GPHN: variants seen among roughly 807,000 people sequenced by gnomAD.
GPHN encodes the protein gephyrin.
GPHN carries 17 observed loss-of-function variants against 95.5 expected under a neutral mutation model. The ratio of observed to expected loss-of-function variants is 0.18; its 90% CI spans 0.12 to 0.27. The LOEUF (loss-of-function observed/expected upper bound fraction) is 0.27, where lower values mean the gene tolerates loss of function less well. Ranked by LOEUF, GPHN falls within the 10% of genes least tolerant of loss-of-function variation. GPHN has a pLI of 1.00. For synonymous variants in GPHN, 320 were observed against 322.5 expected, an observed-to-expected ratio of 0.99 and a Z score of 0.08; for missense variants, 660 against 978.1, an observed-to-expected ratio of 0.67 and a Z score of 4.34.
At chr14:66,831,822 T>G (rs1176072339) in intron 4 of GPHN, among the ~76,000 whole-genome samples, 1 of 152,202 alleles carries the variant, frequency 6.6e-6, no homozygotes, top group Non-Finnish European at 1.5e-5. Flanking sequence ...ATAACTCTTT[T>G]AAGCATATGT....
chr14:67,122,502 C>T, intron 17 of GPHN, 125 bp downstream of exon 17: 1 of 780,018 alleles, frequency 1.3e-6, no homozygotes. Flanking sequence ...TTATCTCATT[C>T]TTCAGAAGCC....
chr14:67,529,979 G>A, the GPHN span, among the ~76,000 whole-genome samples: 1 of 152,156 alleles, frequency 6.6e-6, no homozygotes, highest in Non-Finnish European at 1.5e-5. Flanking sequence ...ATATAGGAGA[G>A]GGTCTCTTTG....
rs149371495 is a variant in GPHN, at chr14:67,010,425, A to T, written c.964-13208A>T. On this transcript the variant is annotated intron_variant, in intron 9 of 22. Coordinates refer to ENST00000478722, the MANE Select transcript of GPHN (RefSeq NM_020806.5). ...AAATTAGCCAGGTGTGGTGGCGGGC[A>T]CCTGCAGTCCCAGTTACTCGGGAGG... Among the ~76,000 whole-genome samples, 606 of 151,480 alleles carry T rather than the reference A, an allele frequency of 4.0e-3. 3 individuals carry two copies. Among genetic ancestry groups the T allele is most frequent in the African/African-American group, 0.013 (550 of 41,302 alleles).
chr14:67,082,897 A>T (rs995076155), intron 11 of GPHN, among the ~76,000 whole-genome samples: 2 of 152,158 alleles, frequency 1.3e-5, no homozygotes, highest in African/African-American at 2.4e-5. Context: ...CAGTTGATGG[A>T]TATTTAGGTT....
At chr14:67,642,285 C>A in the GPHN span, 8 of 1,614,056 alleles carry the variant, frequency 5.0e-6, no homozygotes, top group Non-Finnish European at 6.8e-6. Context: ...GTGGGTCTTG[C>A]CAACCAGGAA....
the GPHN span, chr14:67,382,485 G>C: frequency 6.2e-7 from 1 of 1,613,486 alleles, no homozygotes; most frequent in Non-Finnish European, 8.5e-7. Flanking sequence ...TAATGACTAC[G>C]ACAACCCTGG....
chr14:66,802,607 G>A (rs1318667851), intron 3 of GPHN, among the ~76,000 whole-genome samples: 2 of 152,152 alleles, frequency 1.3e-5, no homozygotes, highest in Non-Finnish European at 2.9e-5. Flanking sequence ...TCTCACCCAA[G>A]CCCTTGATAC....
the GPHN span, among the ~76,000 whole-genome samples, chr14:67,222,745 A>G: frequency 3.9e-5 from 6 of 152,108 alleles, no homozygotes; most frequent in African/African-American, 7.2e-5. Flanking sequence ...TGAGTGCTGA[A>G]CCAGCTCTAA....
the GPHN span, chr14:67,573,690 G>T: frequency 1.3e-6 from 1 of 779,010 alleles, no homozygotes; most frequent in Non-Finnish European, 2.3e-6. This position sits in a 1 kb window ranked among gnomAD's most constrained non-coding sequence, Gnocchi z 4.8. Flanking sequence ...CCAGAATGCT[G>T]GGAATCATGT....
chr14:66,734,600 A>C (rs945439167), intron 2 of GPHN, among the ~76,000 whole-genome samples: 1 of 152,156 alleles, frequency 6.6e-6, no homozygotes, highest in African/African-American at 2.4e-5. Context: ...AATTCATTCC[A>C]TTTATCTTTG....
the GPHN span, among the ~76,000 whole-genome samples, chr14:67,538,131 G>T: frequency 8.5e-5 from 13 of 152,150 alleles, no homozygotes; most frequent in Non-Finnish European, 1.9e-4. Flanking sequence ...AAAAAATTGA[G>T]CTGAGTTTTG....
the GPHN span, chr14:67,270,250 AC>A: frequency 1.3e-5 from 2 of 151,918 alleles, no homozygotes; most frequent in Middle Eastern, 3.4e-3. Context: ...CGCAACTAAA[AC>A]CCTTTCTCCC....
intron 1 of GPHN, among the ~76,000 whole-genome samples, chr14:66,519,211 TTA>T (rs1478500350): frequency 6.6e-6 from 1 of 152,046 alleles, no homozygotes; most frequent in African/African-American, 2.4e-5. Context: ...TAAAGTATAT[TTA>T]TGTGTTATAA....
intron 2 of GPHN, among the ~76,000 whole-genome samples, chr14:66,747,361 A>G (rs1051207532): frequency 6.6e-6 from 1 of 152,162 alleles, no homozygotes; most frequent in African/African-American, 2.4e-5. Flanking sequence ...AGTAATTATA[A>G]AATAAACATC....
chr14:67,146,176 C>G (rs545900418), intron 18 of GPHN, among the ~76,000 whole-genome samples: 1 of 152,342 alleles, frequency 6.6e-6, no homozygotes, highest in South Asian at 2.1e-4. Context: ...AGTCTGACCA[C>G]TTCTCCAACA....
At chr14:67,361,416 T>C in the GPHN span, among the ~76,000 whole-genome samples, 4 of 152,228 alleles carry the variant, frequency 2.6e-5, no homozygotes, top group Non-Finnish European at 1.5e-5. Context: ...AGAGATTCGG[T>C]GATAACTTTC....
the GPHN span, among the ~76,000 whole-genome samples, chr14:67,288,724 G>A: frequency 5.9e-5 from 9 of 152,030 alleles, no homozygotes; most frequent in African/African-American, 2.2e-4. Context: ...CTCATTGTAT[G>A]TGATGGAATC....
chr14:66,764,084 A>G (rs560776048), intron 2 of GPHN, among the ~76,000 whole-genome samples: 4 of 152,274 alleles, frequency 2.6e-5, no homozygotes, highest in South Asian at 2.1e-4. Context: ...ATATATTACA[A>G]TGTAATAAGA....
rs145338835 is a variant in GPHN at position 66,758,312 on chromosome 14, A to G, written c.144-18152A>G. On this transcript the variant is annotated intron_variant, in intron 2 of 22. Coordinates refer to ENST00000478722, the MANE Select transcript of GPHN (RefSeq NM_020806.5). ...GGACCCACCCCCTATCTGCCTAGGCATTTGGCTGCCTCCTATCACTCTAAT... is the reference window on the plus strand; with the variant it reads ...GGACCCACCCCCTATCTGCCTAGGCGTTTGGCTGCCTCCTATCACTCTAAT... 3.0e-3 allele frequency among the ~76,000 whole-genome samples: 456 copies of G among 152,272 alleles called. 3 individuals are homozygous for G. The highest frequency in any genetic ancestry group is 0.011 in the African/African-American group (438 of 41,562).
Sources: gnomAD v4.1 joint callset for allele counts (sites outside exome capture counted in the v4.1 genomes callset) on GRCh38, gnomAD v4.1.1 for gene constraint, Gnocchi (gnomAD v3.1) non-coding constraint, MANE v1.5 for transcripts, NCBI Gene and HGNC (gene_info 2026-07-23, HGNC 2026-07-21) for gene names.